Variants in CRPPA observed in about 807,000 individuals in gnomAD.
The protein encoded by CRPPA is CDP-L-ribitol pyrophosphorylase A.
CRPPA carries 43 observed loss-of-function variants against 52.0 expected under a neutral mutation model. The observed-to-expected ratio is 0.83, with a 90% CI of 0.65 to 1.07. The LOEUF is 1.07. Ranked by LOEUF, CRPPA falls within the 50% of genes least tolerant of loss-of-function variation. The pLI is 0.00. For missense variants in CRPPA, 629 were observed against 551.7 expected, an observed-to-expected ratio of 1.14 and a Z score of -1.40; for synonymous variants, 250 against 203.5, an observed-to-expected ratio of 1.23 and a Z score of -1.94.
intron 3 of CRPPA, among the ~76,000 whole-genome samples, chr7:16,367,657 G>C (rs769503113): frequency 1.3e-5 from 2 of 152,170 alleles, no homozygotes; most frequent in South Asian, 4.1e-4. Flanking sequence ...CGAGATACAA[G>C]TCTTATTTAT....
At chr7:16,182,612 CA>C (rs1309668301) in intron 9 of CRPPA, among the ~76,000 whole-genome samples, 3 of 152,278 alleles carry the variant, frequency 2.0e-5, no homozygotes, top group South Asian at 4.1e-4. Flanking sequence ...AGCATCTACA[CA>C]ATCCTCTTAT....
chr7:16,355,495 G>A (rs759250322), intron 3 of CRPPA, among the ~76,000 whole-genome samples: 1 of 152,094 alleles, frequency 6.6e-6, no homozygotes, highest in Non-Finnish European at 1.5e-5. Context: ...AATGACCATT[G>A]GATGTCTTTT....
intron 2 of CRPPA, among the ~76,000 whole-genome samples, chr7:16,403,884 A>G (rs906705797): frequency 6.6e-6 from 1 of 152,192 alleles, no homozygotes; most frequent in Non-Finnish European, 1.5e-5. Flanking sequence ...AAAGTTGTAG[A>G]TAACCAATAG....
intron 9 of CRPPA, among the ~76,000 whole-genome samples, chr7:16,140,828 T>C (rs936615183): frequency 5.3e-5 from 8 of 152,340 alleles, no homozygotes; most frequent in Non-Finnish European, 7.4e-5. Flanking sequence ...TAACGGGTCA[T>C]GAAATACTAA....
intron 8 of CRPPA, among the ~76,000 whole-genome samples, chr7:16,222,143 G>T (rs1261949829): frequency 5.3e-5 from 8 of 152,012 alleles, no homozygotes; most frequent in Non-Finnish European, 1.2e-4. Context: ...CATGTCCTTT[G>T]TAGGGGCATA....
chr7:16,184,399 T>C (rs1477823855), intron 9 of CRPPA, among the ~76,000 whole-genome samples: 1 of 152,214 alleles, frequency 6.6e-6, no homozygotes, highest in Admixed American at 6.5e-5. Context: ...ATATTTCATA[T>C]TTATTTTGTA....
intron 9 of CRPPA, among the ~76,000 whole-genome samples, chr7:16,114,985 G>C (rs919588864): frequency 1.3e-5 from 2 of 152,020 alleles, no homozygotes; most frequent in Admixed American, 1.3e-4. Flanking sequence ...AAAGACTAAG[G>C]TAACACTCCA....
chr7:16,288,629 T>A (rs1320452984), intron 5 of CRPPA, among the ~76,000 whole-genome samples: 2 of 151,930 alleles, frequency 1.3e-5, no homozygotes, highest in Non-Finnish European at 2.9e-5. Flanking sequence ...GTGCATCACC[T>A]GAGGTCAGGA....
intron 5 of CRPPA, among the ~76,000 whole-genome samples, chr7:16,279,296 C>T (rs1398050471): frequency 6.6e-6 from 1 of 152,084 alleles, no homozygotes; most frequent in Non-Finnish European, 1.5e-5. Context: ...AATAATACCA[C>T]CAGTTAATAG....
In CRPPA at chr7:16,364,912, G is replaced by A. The variant is rs181232919; in HGVS notation, c.684+11180C>T. The stretch of plus-strand genomic sequence containing the variant: ...ACCTAGATCAATTTATAATATTAAA[G>A]AATTCCAGTAAAATCTTCCAACTGG... On this transcript the variant is annotated intron_variant, in intron 3 of 9. Transcript: ENST00000407010. Among the ~76,000 whole-genome samples the A allele has an allele frequency of 3.6e-3, 548 of 152,202 alleles. 4 individuals are homozygous for A. Among genetic ancestry groups the A allele is most frequent in the African/African-American group, 0.013 (520 of 41,530 alleles).
At chr7:16,159,898 A>C (rs1019779761) in intron 9 of CRPPA, among the ~76,000 whole-genome samples, 3 of 151,952 alleles carry the variant, frequency 2.0e-5, no homozygotes, top group African/African-American at 7.2e-5. Context: ...AATGATCGCC[A>C]TTCTCATTGT....
At chr7:16,264,014 ACT>A (rs1356753352) in intron 6 of CRPPA, among the ~76,000 whole-genome samples, 1 of 151,956 alleles carries the variant, frequency 6.6e-6, no homozygotes, top group Non-Finnish European at 1.5e-5. Context: ...TGAAATTGAG[ACT>A]CTTAATAATT....
chr7:16,369,596 G>A (rs527695614), intron 3 of CRPPA, among the ~76,000 whole-genome samples: 152 of 152,200 alleles, frequency 1.0e-3, no homozygotes, highest in African/African-American at 3.3e-3. Flanking sequence ...TAATAGGAAA[G>A]ATACACACCA....
At chr7:16,372,911 G>A (rs1050582434) in intron 3 of CRPPA, among the ~76,000 whole-genome samples, 2 of 152,180 alleles carry the variant, frequency 1.3e-5, no homozygotes, top group Non-Finnish European at 2.9e-5. Context: ...CCAGAAAAAG[G>A]GATACATGAT....
intron 9 of CRPPA, among the ~76,000 whole-genome samples, chr7:16,197,441 G>A (rs572530417): frequency 1.3e-5 from 2 of 151,878 alleles, no homozygotes; most frequent in Non-Finnish European, 2.9e-5. Context: ...GGGCTCAAGC[G>A]ATCCTCTGGC....
intron 2 of CRPPA, among the ~76,000 whole-genome samples, chr7:16,379,394 C>T (rs1374432043): frequency 2.0e-5 from 3 of 152,070 alleles, no homozygotes; most frequent in Non-Finnish European, 4.4e-5. Context: ...TTACTGTAGC[C>T]TTGTAGTATA....
At chr7:16,401,040 C>T (rs1428876786) in intron 2 of CRPPA, among the ~76,000 whole-genome samples, 1 of 152,192 alleles carries the variant, frequency 6.6e-6, no homozygotes, top group African/African-American at 2.4e-5. Flanking sequence ...ATGATAGAGG[C>T]ATGACTAATT....
chr7:16,300,137 G>A (rs80118450), intron 5 of CRPPA, among the ~76,000 whole-genome samples: 2,509 of 152,290 alleles, frequency 0.016, 41 homozygotes, highest in Middle Eastern at 0.031. Flanking sequence ...CACACAAACA[G>A]ATGCATAAGT....
chr7:16,116,981 A>G (rs1782388482), intron 9 of CRPPA, among the ~76,000 whole-genome samples: 1 of 152,198 alleles, frequency 6.6e-6, no homozygotes, highest in Non-Finnish European at 1.5e-5. Flanking sequence ...TTTGTTGTAA[A>G]GAATCATCAT....
Sources: allele counts gnomAD v4.1 joint callset (sites outside exome capture counted in the v4.1 genomes callset), GRCh38; gene constraint gnomAD v4.1.1; transcripts MANE v1.5; gene names NCBI Gene and HGNC (gene_info 2026-07-23, HGNC 2026-07-21).